The following HS3ST4 variants were observed in gnomAD, a reference collection of about 807,000 sequenced individuals.
HS3ST4 encodes heparan sulfate-glucosamine 3-sulfotransferase 4, also known as heparan sulfate glucosamine 3-O-sulfotransferase 4.
Under a neutral mutation model 29.2 loss-of-function variants are expected in HS3ST4, and 17 were observed. The ratio of observed to expected loss-of-function variants is 0.58; its 90% confidence interval spans 0.40 to 0.87. HS3ST4 has a LOEUF of 0.87. HS3ST4 is among the 40% of genes least tolerant of loss of function. HS3ST4 has a pLI of 0.00. For missense variants in HS3ST4, 627 were observed against 634.5 expected (o/e 0.99, Z 0.13); for synonymous variants, 314 against 285.7 (o/e 1.10, Z -1.00).
intron 1 of HS3ST4, among the ~76,000 whole-genome samples, chr16:25,852,747 A>G (rs1477853360): frequency 1.3e-5 from 2 of 151,952 alleles, no homozygotes; most frequent in Non-Finnish European, 2.9e-5. Context: ...ATCAAGCAGT[A>G]TTTCCCTTGA....
At chr16:26,108,515 G>T (rs556813836) in intron 1 of HS3ST4, among the ~76,000 whole-genome samples, 1 of 152,172 alleles carries the variant, frequency 6.6e-6, no homozygotes, top group Non-Finnish European at 1.5e-5. Flanking sequence ...GTGAATAGTG[G>T]TTAAGAGCAA....
chr16:25,920,088 G>C (rs1313123985), intron 1 of HS3ST4, among the ~76,000 whole-genome samples: 13 of 152,048 alleles, frequency 8.5e-5, no homozygotes. Context: ...GGTTTCCCGT[G>C]ATGGCCCATG....
At chr16:25,985,870 A>G (rs1969057313) in intron 1 of HS3ST4, among the ~76,000 whole-genome samples, 1 of 152,002 alleles carries the variant, frequency 6.6e-6, no homozygotes, top group African/African-American at 2.4e-5. Context: ...TATTTTGTAG[A>G]AACGGAGTCT....
chr16:26,041,615 T>C (rs114428899), intron 1 of HS3ST4, among the ~76,000 whole-genome samples: 1 of 152,194 alleles, frequency 6.6e-6, no homozygotes, highest in African/African-American at 2.4e-5. Flanking sequence ...GTAAATATTT[T>C]AGATTTTGCA....
Position 25,858,857 on chromosome 16 carries a change from T to C in HS3ST4, c.734+165706T>C, listed in dbSNP as rs114816873. 7.5e-3 allele frequency among the ~76,000 whole-genome samples: 1,138 copies of C among 152,270 alleles called. 18 individuals carry two copies. The highest frequency in any genetic ancestry group is 0.027 in the African/African-American group (1,103 of 41,560). On this transcript the variant is annotated intron_variant, in intron 1 of 1. Transcript: ENST00000331351. ...TCTGTGGAGCTCTGAACACTTTGTATGTGTCCTTCCTTTTTTTATCTGGTT... is the reference window on the plus strand; with the variant it reads ...TCTGTGGAGCTCTGAACACTTTGTACGTGTCCTTCCTTTTTTTATCTGGTT...
chr16:25,928,198 CAA>C (rs1171675963), intron 1 of HS3ST4, among the ~76,000 whole-genome samples: 9 of 111,292 alleles, frequency 8.1e-5, no homozygotes, highest in Non-Finnish European at 7.8e-5. Context: ...TCCATCTTTC[CAA>C]AAAAAAAAAA....
At chr16:25,878,509 A>G (rs1167157154) in intron 1 of HS3ST4, among the ~76,000 whole-genome samples, 2 of 152,172 alleles carry the variant, frequency 1.3e-5, no homozygotes, top group African/African-American at 4.8e-5. Context: ...TTCTACTTCA[A>G]CTAACACAAC....
At chr16:25,930,707 G>A (rs1968454083) in intron 1 of HS3ST4, among the ~76,000 whole-genome samples, 1 of 151,932 alleles carries the variant, frequency 6.6e-6, no homozygotes, top group Non-Finnish European at 1.5e-5. Context: ...CCTCAGCCTG[G>A]TCCTCCTTAA....
intron 1 of HS3ST4, among the ~76,000 whole-genome samples, chr16:25,952,457 G>A (rs1278103780): frequency 1.3e-5 from 2 of 152,102 alleles, no homozygotes; most frequent in Non-Finnish European, 2.9e-5. Flanking sequence ...CATCTGATTG[G>A]ACAAGATCTT....
chr16:26,009,513 T>C (rs4569285), intron 1 of HS3ST4, among the ~76,000 whole-genome samples: 100,218 of 152,066 alleles, frequency 0.66, 33,616 homozygotes, highest in South Asian at 0.81. Flanking sequence ...CAAATACCAG[T>C]GACTTAACAC....
intron 1 of HS3ST4, among the ~76,000 whole-genome samples, chr16:25,974,741 T>C (rs1968927631): frequency 6.6e-6 from 1 of 152,234 alleles, no homozygotes; most frequent in African/African-American, 2.4e-5. Flanking sequence ...GAATTTTCTA[T>C]AATGAAAGTA....
At chr16:26,055,715 G>A (rs1247397662) in intron 1 of HS3ST4, among the ~76,000 whole-genome samples, 1 of 152,166 alleles carries the variant, frequency 6.6e-6, no homozygotes, top group Non-Finnish European at 1.5e-5. Flanking sequence ...TAGAACCATT[G>A]CATGTGGGTG....
At chr16:25,979,109 C>T (rs60522311) in intron 1 of HS3ST4, among the ~76,000 whole-genome samples, 4,404 of 152,142 alleles carry the variant, frequency 0.029, 203 homozygotes, top group African/African-American at 0.1. Context: ...TTTGGTCAGG[C>T]TGGTCTCGAA....
At chr16:25,903,367 A>ATAGATATGTATATGTATATCT (rs1567268745) in intron 1 of HS3ST4, among the ~76,000 whole-genome samples, 3,499 of 59,324 alleles carry the variant, frequency 0.059, 156 homozygotes, top group African/African-American at 0.14. Flanking sequence ...TGTATATCTT[A>ATAGATATGTATATGTATATCT]TATATATATA....
At chr16:25,883,006 G>C (rs182382188) in intron 1 of HS3ST4, among the ~76,000 whole-genome samples, 85 of 152,234 alleles carry the variant, frequency 5.6e-4, no homozygotes, top group African/African-American at 2.0e-3. Flanking sequence ...CACTTGAGAT[G>C]TGAAAAGAAG....
intron 1 of HS3ST4, among the ~76,000 whole-genome samples, chr16:25,860,392 C>CA (rs1361227730): frequency 6.6e-6 from 1 of 152,186 alleles, no homozygotes; most frequent in African/African-American, 2.4e-5. Flanking sequence ...TATGTCCACA[C>CA]AAAAACCTGC....
chr16:25,698,162 C>T (rs1265488228), intron 1 of HS3ST4, among the ~76,000 whole-genome samples: 3 of 151,718 alleles, frequency 2.0e-5, no homozygotes, highest in Non-Finnish European at 4.4e-5. Context: ...AACTCCTGGC[C>T]TCAAGGAATC....
chr16:25,897,231 C>T (rs775249669), intron 1 of HS3ST4, among the ~76,000 whole-genome samples: 10 of 152,120 alleles, frequency 6.6e-5, no homozygotes, highest in Non-Finnish European at 1.0e-4. Flanking sequence ...AAGGCAGGAG[C>T]TCACTTGAGC....
At chr16:26,133,645 A>G (rs1416890215) in intron 1 of HS3ST4, among the ~76,000 whole-genome samples, 2 of 152,252 alleles carry the variant, frequency 1.3e-5, no homozygotes, top group African/African-American at 2.4e-5. Flanking sequence ...CTCTTGCCTC[A>G]TAAAAGTGCT....
Sources: allele counts gnomAD v4.1 joint callset (sites outside exome capture counted in the v4.1 genomes callset), GRCh38; gene constraint gnomAD v4.1.1; transcripts MANE v1.5; gene names NCBI Gene and HGNC (gene_info 2026-07-23, HGNC 2026-07-21).